Variants in PLCB1 observed in about 807,000 individuals in gnomAD.
PLCB1 encodes phospholipase C beta 1.
In PLCB1, 46 loss-of-function variants were observed where a neutral mutation model predicts 161.8. The ratio of observed to expected loss-of-function variants is 0.28; its 90% CI spans 0.22 to 0.36. The LOEUF is 0.36. PLCB1 is among the 10% of genes least tolerant of loss of function. The pLI is 1.00. For missense variants in PLCB1, 1,016 were observed against 1,472.5 expected, an observed-to-expected ratio of 0.69 and a Z score of 5.07; for synonymous variants, 517 against 503.7, an observed-to-expected ratio of 1.03 and a Z score of -0.35.
chr20:8,859,417 C>G (rs6133634), intron 31 of PLCB1, among the ~76,000 whole-genome samples: 43,108 of 152,050 alleles, frequency 0.28, 7,405 homozygotes, highest in East Asian at 0.65. Context: ...TGCAAATTCT[C>G]ATTCAGTAGA....
chr20:8,230,166 C>T (rs1979951717), intron 2 of PLCB1, among the ~76,000 whole-genome samples: 1 of 151,556 alleles, frequency 6.6e-6, no homozygotes, highest in South Asian at 2.1e-4. Flanking sequence ...TAGGTGACTC[C>T]TATGTACTTT....
At chr20:8,194,732 A>G (rs1024306012) in intron 2 of PLCB1, among the ~76,000 whole-genome samples, 1 of 152,112 alleles carries the variant, frequency 6.6e-6, no homozygotes, top group African/African-American at 2.4e-5. Flanking sequence ...TAATAAATAA[A>G]CTGTATTTAC....
intron 2 of PLCB1, among the ~76,000 whole-genome samples, chr20:8,304,020 A>G (rs1358210402): frequency 6.6e-6 from 1 of 152,300 alleles, no homozygotes; most frequent in East Asian, 1.9e-4. Flanking sequence ...TTGAAAGATC[A>G]TCTCAGACTA....
At chr20:8,872,748 T>A (rs1221805883) in intron 31 of PLCB1, among the ~76,000 whole-genome samples, 1 of 152,162 alleles carries the variant, frequency 6.6e-6, no homozygotes, top group African/African-American at 2.4e-5. Flanking sequence ...AATCATTTGC[T>A]TCCTTGCCTC....
chr20:8,541,166 A>G (rs1199866804), intron 3 of PLCB1, among the ~76,000 whole-genome samples: 3 of 152,184 alleles, frequency 2.0e-5, no homozygotes, highest in Non-Finnish European at 4.4e-5. Context: ...AGTAGAAATT[A>G]GGAATTTAGG....
At chr20:8,156,137 G>A (rs2051558684) in intron 2 of PLCB1, among the ~76,000 whole-genome samples, 1 of 152,184 alleles carries the variant, frequency 6.6e-6, no homozygotes, top group South Asian at 2.1e-4. Context: ...CTTTTGCTTT[G>A]TCTGGCTACT....
At chr20:8,813,309 T>G (rs1186208046) in intron 31 of PLCB1, among the ~76,000 whole-genome samples, 6 of 152,148 alleles carry the variant, frequency 3.9e-5, no homozygotes, top group African/African-American at 1.2e-4. Flanking sequence ...CACATTTTTT[T>G]GAAGAAAAAA....
intron 2 of PLCB1, among the ~76,000 whole-genome samples, chr20:8,251,206 CA>C (rs1215338211): frequency 1.3e-5 from 2 of 151,934 alleles, no homozygotes; most frequent in Non-Finnish European, 2.9e-5. Flanking sequence ...GGGATGTCCT[CA>C]TGACTTAATC....
At chr20:8,765,041 C>T in intron 25 of PLCB1, 98 bp from the exon 26 acceptor site, 6 of 910,874 alleles carry the variant, frequency 6.6e-6, no homozygotes, top group Non-Finnish European at 1.0e-5. Flanking sequence ...TCTAGCTGGG[C>T]AAGATCAACC....
intron 9 of PLCB1, among the ~76,000 whole-genome samples, chr20:8,666,880 G>A (rs1188725981): frequency 6.6e-6 from 1 of 152,072 alleles, no homozygotes; most frequent in Non-Finnish European, 1.5e-5. Context: ...TACAGGTGAT[G>A]GTGGCTGTTG....
intron 3 of PLCB1, among the ~76,000 whole-genome samples, chr20:8,461,289 G>A: frequency 6.6e-6 from 1 of 152,198 alleles, no homozygotes; most frequent in East Asian, 1.9e-4. Flanking sequence ...CTGCAGTTTT[G>A]GGGGCAGACT....
chr20:8,601,364 T>G (rs575752476), intron 3 of PLCB1, among the ~76,000 whole-genome samples: 1 of 152,262 alleles, frequency 6.6e-6, no homozygotes, highest in African/African-American at 2.4e-5. Flanking sequence ...TTGATCCTCT[T>G]TCTCCTCCCA....
At chr20:8,698,894 C>G (rs1019229621) in intron 11 of PLCB1, among the ~76,000 whole-genome samples, 8 of 152,000 alleles carry the variant, frequency 5.3e-5, no homozygotes, top group Non-Finnish European at 5.9e-5. Flanking sequence ...CTTTTTCCAC[C>G]CTTAGCTCTA....
intron 3 of PLCB1, among the ~76,000 whole-genome samples, chr20:8,524,514 T>C (rs565307567): frequency 6.6e-6 from 1 of 152,314 alleles, no homozygotes; most frequent in South Asian, 2.1e-4. Flanking sequence ...GTCTTTGTCT[T>C]CTCAAGGTCA....
intron 9 of PLCB1, among the ~76,000 whole-genome samples, chr20:8,679,764 A>T (rs991805671): frequency 1.6e-4 from 25 of 152,226 alleles, no homozygotes; most frequent in Non-Finnish European, 2.8e-4. Context: ...CTGATTTATT[A>T]TTAACAAAAT....
chr20:8,819,257 CAT>C lies in PLCB1; in HGVS notation c.3423+28997_3423+28998del, dbSNP rs773496701. Among the ~76,000 whole-genome samples the C allele has an allele frequency of 3.8e-4, 58 of 152,206 alleles. 1 individual carries two copies. The highest frequency in any genetic ancestry group is 3.4e-3 in the Middle Eastern group (1 of 292). ...TTTATGAGAGAGATGGCACTGGAGA[CAT>C]GTGGAGAAACTCAGGCTTTTCAATA... On this transcript the variant is annotated intron_variant, in intron 31 of 31. Transcript: ENST00000338037.
chr20:8,379,001 C>G (rs1442176010), intron 3 of PLCB1, among the ~76,000 whole-genome samples: 7 of 152,002 alleles, frequency 4.6e-5, no homozygotes, highest in African/African-American at 1.7e-4. Flanking sequence ...TTTAATTTCT[C>G]GGATACATGT....
At chr20:8,330,283 T>G (rs1411947163) in intron 2 of PLCB1, among the ~76,000 whole-genome samples, 1 of 152,226 alleles carries the variant, frequency 6.6e-6, no homozygotes, top group African/African-American at 2.4e-5. Flanking sequence ...ATTTTCCTTT[T>G]TAGATTGGAA....
intron 2 of PLCB1, among the ~76,000 whole-genome samples, chr20:8,286,365 C>T (rs926463238): frequency 3.3e-5 from 5 of 152,154 alleles, no homozygotes; most frequent in Admixed American, 1.3e-4. Flanking sequence ...ACCAAGTTTA[C>T]GTGAATGCCA....
Sources: allele counts gnomAD v4.1 joint callset (sites outside exome capture counted in the v4.1 genomes callset), GRCh38; gene constraint gnomAD v4.1.1; transcripts MANE v1.5; gene names NCBI Gene and HGNC (gene_info 2026-07-23, HGNC 2026-07-21).